DNAJC16: variants seen among roughly 807,000 people sequenced by gnomAD.
DNAJC16 encodes the protein DnaJ heat shock protein family (Hsp40) member C16.
DNAJC16 carries 76 observed loss-of-function variants against 92.7 expected under a neutral mutation model. The observed-to-expected ratio is 0.82, with a 90% CI of 0.68 to 0.99. DNAJC16 has a LOEUF of 0.99. Ranked by LOEUF, DNAJC16 falls within the 50% of genes least tolerant of loss-of-function variation. The probability of loss-of-function intolerance (pLI) is 0.00; values close to 1 mark genes in which losing one functional copy is unlikely to be tolerated. For missense variants in DNAJC16, 869 were observed against 942.4 expected, an observed-to-expected ratio of 0.92 and a Z score of 1.02; for synonymous variants, 328 against 358.7, an observed-to-expected ratio of 0.91 and a Z score of 0.97.
rs1638795610 is a variant in DNAJC16 at position 15,565,937 on chromosome 1, G to C, written c.1617G>C (p.Leu539=). 3 of 1,613,664 alleles carry C rather than the reference G, an allele frequency of 1.9e-6. No individual in the cohort carries two copies. The highest frequency in any genetic ancestry group is 1.7e-5 in the Admixed American group (1 of 59,910). ...FHNNWREMMP[L]LSLIFSALFI... ...GTTTTAGGAGGGAAATGATGCCCCT[G>C]CTGTCCCTGATCTTCTCTGCCCTCT... The change falls in exon 12 of 15, where the codon CTG becomes CTC. Residue 539 remains leucine, a synonymous_variant. Coordinates refer to ENST00000375847, the MANE Select transcript of DNAJC16 (RefSeq NM_015291.4).
Position 15,547,356 on chromosome 1 carries a change from C to T in DNAJC16, c.864+485C>T, listed in dbSNP as rs553740972. On this transcript the variant is annotated intron_variant, in intron 6 of 14. Transcript: ENST00000375847. ...AGAGACAGGGTTTCACCATGTTGGC[C>T]AGGCTGCTCTCGAACTCCTGACCTT... Among the ~76,000 whole-genome samples, 147 of 152,060 alleles carry T rather than the reference C, an allele frequency of 9.7e-4. 1 individual carries two copies. Among genetic ancestry groups the T allele is most frequent in the African/African-American group, 3.5e-3 (145 of 41,470 alleles).
rs192909480 is a variant in DNAJC16 at position 15,556,475 on chromosome 1, C to T, written c.1024-3051C>T. On this transcript the variant is annotated intron_variant, in intron 7 of 14. Transcript: ENST00000375847. Reference sequence around the variant, plus strand: ...CTGGTCTCAGGTGATCTGCCCGCCTCGGCCTCCCACTGTGCTGGGATTATA... The same window carrying T: ...CTGGTCTCAGGTGATCTGCCCGCCTTGGCCTCCCACTGTGCTGGGATTATA... Among the ~76,000 whole-genome samples the T allele has an allele frequency of 3.9e-5, 6 of 152,284 alleles. No individual in the cohort carries two copies. In the East Asian group the frequency reaches 5.8e-4, roughly 15 times the overall value.
chr1:15,561,502 T>C (rs1241322132), intron 8 of DNAJC16, among the ~76,000 whole-genome samples: 1 of 151,924 alleles, frequency 6.6e-6, no homozygotes, highest in Non-Finnish European at 1.5e-5. Flanking sequence ...CTGGCCAACA[T>C]AGTGAAAACC....
chr1:15,548,448 G>T lies in DNAJC16; in HGVS notation c.1023+20G>T, dbSNP rs1638364776. ...ATCCAGGTACGTGAGGGTCACCTTG[G>T]TTAAGATTTTCTTCACATTTTATCC... On this transcript the variant is annotated intron_variant, in intron 7 of 14. Coordinates refer to ENST00000375847, the MANE Select transcript of DNAJC16 (RefSeq NM_015291.4). 6.3e-7 allele frequency: 1 copy of T among 1,589,336 alleles called. No homozygotes were observed.
chr1:15,550,147 A>T (rs921854815), intron 7 of DNAJC16, among the ~76,000 whole-genome samples: 1 of 152,212 alleles, frequency 6.6e-6, no homozygotes, highest in African/African-American at 2.4e-5. Context: ...GGGGTGCCTG[A>T]TGGAGACGAG....
At chr1:15,546,666 A>G (rs952003561) in intron 5 of DNAJC16, 101 bp from the exon 6 acceptor site, 4 of 903,836 alleles carry the variant, frequency 4.4e-6, no homozygotes, top group Non-Finnish European at 6.7e-6. Context: ...ATTTTTTGCA[A>G]TCTTTTACAC....
intron 2 of DNAJC16, 80 bp from the exon 3 acceptor site, chr1:15,534,157 G>T: frequency 6.8e-7 from 1 of 1,466,482 alleles, no homozygotes; most frequent in South Asian, 1.2e-5. Context: ...CCTCTGTAGT[G>T]AACTCTGTGG....
In DNAJC16 at chr1:15,559,411, A is replaced by G. The variant is rs1012359105; in HGVS notation, c.1024-115A>G. ...TCAAACAGGTCTGTCTTGTTTGGTT[A>G]TATTACTTTAGCCAAGGTCAGCTAC... On this transcript the variant is annotated intron_variant, in intron 7 of 14. Transcript: ENST00000375847. 6.4e-6 allele frequency: 9 copies of G among 1,407,018 alleles called. No homozygotes were observed. In the South Asian group the frequency reaches 9.3e-5, roughly 14 times the overall value. The allele number at this position is 1,407,018 out of a possible 1,614,324, so 87.2% of individuals were successfully genotyped here. A position where few individuals can be genotyped will look rare whatever the true frequency, so the allele number is the denominator to read the frequency against.
rs1391146856 is a variant in DNAJC16, at chr1:15,567,235, C to G, written c.1915C>G (p.Gln639Glu). 1 of 1,613,562 alleles carries G rather than the reference C, an allele frequency of 6.2e-7. No homozygotes were observed. The highest frequency in any genetic ancestry group is 1.3e-5 in the African/African-American group (1 of 74,798). ...GAATTCTACCAAGACCAGCCTACTA[C>G]AGAAATTTGCTTTGGAGGTCTACAC... ...LSNSTKTSLL[Q>E]KFALEVYTFT... The change falls in exon 14 of 15, where the codon CAG becomes GAG. Residue 639 changes from glutamine to glutamate, a missense_variant. By Grantham distance (29) the Gln-to-Glu change is conservative. Transcript: ENST00000375847.
intron 9 of DNAJC16, among the ~76,000 whole-genome samples, chr1:15,563,663 T>TAAAAAAAAAAA: frequency 1.9e-5 from 1 of 53,212 alleles, no homozygotes; most frequent in Non-Finnish European, 3.5e-5. Flanking sequence ...CCATCTCTAC[T>TAAAAAAAAAAA]AAAAAAAAAA....
chr1:15,534,004 G>A (rs1049152958), intron 2 of DNAJC16, among the ~76,000 whole-genome samples: 3 of 152,172 alleles, frequency 2.0e-5, no homozygotes, highest in Non-Finnish European at 2.9e-5. Context: ...GTATTATATG[G>A]TGCTTTGAAA....
intron 2 of DNAJC16, 68 bp from the exon 3 acceptor site, chr1:15,534,169 C>A: frequency 6.5e-7 from 1 of 1,547,060 alleles, no homozygotes; most frequent in Non-Finnish European, 8.9e-7. Context: ...ACTCTGTGGA[C>A]AAGGACATTA....
At chr1:15,533,979 C>A (rs531690764) in intron 2 of DNAJC16, among the ~76,000 whole-genome samples, 2 of 152,322 alleles carry the variant, frequency 1.3e-5, no homozygotes, top group South Asian at 4.1e-4. Flanking sequence ...CCACCTTCCT[C>A]TGTGAAATGC....
chr1:15,537,119 G>A (rs533170434), intron 4 of DNAJC16, among the ~76,000 whole-genome samples: 1 of 152,282 alleles, frequency 6.6e-6, no homozygotes, highest in Admixed American at 6.5e-5. Flanking sequence ...CCACAGTACT[G>A]GGATGTCAGG....
chr1:15,551,268 T>G (rs1053392855), intron 7 of DNAJC16, among the ~76,000 whole-genome samples: 1 of 152,214 alleles, frequency 6.6e-6, no homozygotes, highest in Non-Finnish European at 1.5e-5. Context: ...TTCTGTGTGA[T>G]GAGCTGGGAA....
At chr1:15,565,691 G>C in intron 11 of DNAJC16, 2 of 571,318 alleles carry the variant, frequency 3.5e-6, no homozygotes, top group Non-Finnish European at 6.2e-6. Context: ...CTATTATACT[G>C]AGATACAAAA....
intron 7 of DNAJC16, among the ~76,000 whole-genome samples, chr1:15,555,728 C>T (rs1638555146): frequency 6.6e-6 from 1 of 150,464 alleles, no homozygotes; most frequent in South Asian, 2.1e-4. Context: ...TGGCTCATGC[C>T]TGTAATCCTA....
At chr1:15,528,590 T>C (rs895057083) in intron 1 of DNAJC16, among the ~76,000 whole-genome samples, 1 of 152,266 alleles carries the variant, frequency 6.6e-6, no homozygotes, top group African/African-American at 2.4e-5. Flanking sequence ...TTTGTACTTA[T>C]TTAATGCCCA....
intron 3 of DNAJC16, among the ~76,000 whole-genome samples, chr1:15,535,331 T>G (rs2103404809): frequency 6.6e-6 from 1 of 152,360 alleles, no homozygotes; most frequent in Admixed American, 6.5e-5. Context: ...GTTGTGGTAG[T>G]TTGAAATCTT....
Sources: gnomAD v4.1 joint callset for allele counts (sites outside exome capture counted in the v4.1 genomes callset) on GRCh38, gnomAD v4.1.1 for gene constraint, MANE v1.5 for transcripts, NCBI Gene and HGNC (gene_info 2026-07-23, HGNC 2026-07-21) for gene names.